Variants in PID1 observed in about 807,000 individuals in gnomAD.
PID1 encodes PTB-containing, cubilin and LRP1-interacting protein.
A neutral mutation model predicts 19.1 loss-of-function variants in PID1; 10 were observed. That is an observed-to-expected ratio of 0.52 (90% CI 0.32 to 0.89). The LOEUF (loss-of-function observed/expected upper bound fraction) is 0.89. Among genes scored for constraint, PID1 ranks in the 40% least tolerant of loss-of-function variants. The probability of loss-of-function intolerance (pLI) is 0.03; values close to 1 mark genes in which losing one functional copy is unlikely to be tolerated. For synonymous variants in PID1, 130 were observed against 116.0 expected (o/e 1.12, Z -0.78); for missense variants, 248 against 285.3 (o/e 0.87, Z 0.94).
At chr2:229,152,613 C>T (rs1690280662) in intron 2 of PID1, among the ~76,000 whole-genome samples, 1 of 151,616 alleles carries the variant, frequency 6.6e-6, no homozygotes, top group African/African-American at 2.4e-5. Flanking sequence ...CAACAAGAGT[C>T]CTAATGCACT....
chr2:229,074,842 G>A (rs1694526077), intron 2 of PID1, among the ~76,000 whole-genome samples: 1 of 152,126 alleles, frequency 6.6e-6, no homozygotes, highest in African/African-American at 2.4e-5. Context: ...AAGGTGATTT[G>A]AGCTTGCTGT....
In PID1 at chr2:229,180,334, C is replaced by T. The variant is rs142485043; in HGVS notation, c.31-24370G>A. ...TCCATCTAAAGTGCATATCTGTATGCGCATAGAAGACATTATTTGATAAAT... is the reference window on the plus strand; with the variant it reads ...TCCATCTAAAGTGCATATCTGTATGTGCATAGAAGACATTATTTGATAAAT... On this transcript the variant is annotated intron_variant, in intron 1 of 2. Coordinates refer to ENST00000392055, the MANE Select transcript of PID1 (RefSeq NM_001100818.2). 5.3e-5 allele frequency among the ~76,000 whole-genome samples: 8 copies of T among 152,010 alleles called. No homozygotes were observed. In the East Asian group the frequency reaches 9.7e-4, roughly 18 times the overall value.
intron 2 of PID1, among the ~76,000 whole-genome samples, chr2:229,078,614 G>A (rs2106208806): frequency 6.6e-6 from 1 of 152,304 alleles, no homozygotes; most frequent in Admixed American, 6.5e-5. Context: ...AAGTGGGGTT[G>A]AATTTTATCG....
intron 2 of PID1, among the ~76,000 whole-genome samples, chr2:229,029,754 C>T (rs532455161): frequency 9.9e-5 from 15 of 151,248 alleles, no homozygotes; most frequent in African/African-American, 2.4e-4. Context: ...GCAGGAGAAT[C>T]GCTTGAAACC....
chr2:229,040,960 A>G (rs1693759010), intron 2 of PID1, among the ~76,000 whole-genome samples: 1 of 152,232 alleles, frequency 6.6e-6, no homozygotes, highest in Non-Finnish European at 1.5e-5. Context: ...ACCCTGGGAC[A>G]TTAGAGTGGA....
At chr2:229,134,534 A>T (rs1013020991) in intron 2 of PID1, among the ~76,000 whole-genome samples, 1 of 151,616 alleles carries the variant, frequency 6.6e-6, no homozygotes, top group Non-Finnish European at 1.5e-5. Context: ...GAGCCACCAC[A>T]CCTGGCCACT....
At chr2:229,108,129 G>A (rs576219340) in intron 2 of PID1, among the ~76,000 whole-genome samples, 2 of 152,322 alleles carry the variant, frequency 1.3e-5, no homozygotes, top group East Asian at 3.9e-4. Flanking sequence ...GAACATTTAT[G>A]TGTTTCACTC....
chr2:229,111,706 T>C (rs1007202125), intron 2 of PID1, among the ~76,000 whole-genome samples: 3 of 152,122 alleles, frequency 2.0e-5, no homozygotes, highest in Admixed American at 6.5e-5. Flanking sequence ...ACCCTAAAAA[T>C]GGTAATGGAC....
chr2:229,264,476 TGGCCCCCAAGTC>T (rs1574769366), intron 1 of PID1, among the ~76,000 whole-genome samples: 2 of 152,256 alleles, frequency 1.3e-5, no homozygotes, highest in East Asian at 3.9e-4. Flanking sequence ...ACAAGGTATG[TGGCCCCCAAGTC>T]CCAGCCCAGC....
intron 2 of PID1, among the ~76,000 whole-genome samples, chr2:229,059,305 C>G (rs1694164548): frequency 6.6e-6 from 1 of 152,116 alleles, no homozygotes; most frequent in African/African-American, 2.4e-5. Flanking sequence ...GACTTGAATT[C>G]ATGAAAAAAG....
intron 1 of PID1, among the ~76,000 whole-genome samples, chr2:229,228,776 A>G (rs959258912): frequency 6.6e-6 from 1 of 152,144 alleles, no homozygotes; most frequent in African/African-American, 2.4e-5. Flanking sequence ...TCCTGAAATG[A>G]TATTAGAGGT....
chr2:229,177,750 CATCATT>C (rs1420185127), intron 1 of PID1, among the ~76,000 whole-genome samples: 1 of 152,190 alleles, frequency 6.6e-6, no homozygotes, highest in Non-Finnish European at 1.5e-5. Context: ...TCATCATCAT[CATCATT>C]GTCAGTCATT....
intron 2 of PID1, among the ~76,000 whole-genome samples, chr2:229,037,268 T>A (rs745743525): frequency 2.0e-5 from 3 of 152,204 alleles, no homozygotes; most frequent in Non-Finnish European, 4.4e-5. Flanking sequence ...TAGAAATATA[T>A]ACCACGGAGG....
chr2:229,047,954 G>A (rs1693916622), intron 2 of PID1, among the ~76,000 whole-genome samples: 1 of 152,214 alleles, frequency 6.6e-6, no homozygotes, highest in Non-Finnish European at 1.5e-5. Context: ...AAAAGCAGGA[G>A]AGTCTGCATA....
chr2:229,058,147 T>C (rs1038390040), intron 2 of PID1, among the ~76,000 whole-genome samples: 2 of 152,222 alleles, frequency 1.3e-5, no homozygotes, highest in African/African-American at 4.8e-5. Context: ...AGTTACTTCT[T>C]AATCCTGCTC....
At chr2:229,230,279 T>C (rs192197277) in intron 1 of PID1, among the ~76,000 whole-genome samples, 1 of 151,944 alleles carries the variant, frequency 6.6e-6, no homozygotes, top group Non-Finnish European at 1.5e-5. Context: ...CACTTCACCA[T>C]TAGAAAGAAA....
chr2:229,060,584 A>T (rs1347989980), intron 2 of PID1, among the ~76,000 whole-genome samples: 1 of 152,104 alleles, frequency 6.6e-6, no homozygotes, highest in East Asian at 1.9e-4. Flanking sequence ...TGAACATGAG[A>T]TCACAGATCT....
Position 229,271,191 on chromosome 2 carries a change from G to A in PID1, c.-148C>T. ...TGGCCACCGCCGCCGGGTGGGCGTA[G>A]GGGGCTGCGAGCAGGAGGAGGCGCG... On this transcript the variant is annotated 5_prime_UTR_variant, in exon 1 of 3. Coordinates refer to ENST00000392055, the MANE Select transcript of PID1 (RefSeq NM_001100818.2). The A allele has an allele frequency of 1.2e-6, 1 of 810,592 alleles. No individual in the cohort carries two copies. The allele number at this position is 810,592 out of a possible 1,614,324, so 50.2% of individuals were successfully genotyped here. A position where few individuals can be genotyped will look rare whatever the true frequency, so the allele number is the denominator to read the frequency against.
intron 2 of PID1, among the ~76,000 whole-genome samples, chr2:229,046,488 T>C (rs75958155): frequency 0.016 from 2,496 of 151,970 alleles, 80 homozygotes; most frequent in African/African-American, 0.058. Flanking sequence ...GAGAGGTATA[T>C]AGAGGAAAAA....
Sources: allele counts gnomAD v4.1 joint callset (sites outside exome capture counted in the v4.1 genomes callset), GRCh38; gene constraint gnomAD v4.1.1; transcripts MANE v1.5; gene names NCBI Gene and HGNC (gene_info 2026-07-23, HGNC 2026-07-21).